Variants in EHBP1 observed in about 807,000 individuals in gnomAD.
The protein encoded by EHBP1 is EH domain binding protein 1.
In EHBP1, 55 loss-of-function variants were observed where a neutral mutation model predicts 144.0. The ratio of observed to expected loss-of-function variants is 0.38; its 90% CI spans 0.31 to 0.48. The LOEUF (loss-of-function observed/expected upper bound fraction) is 0.48, where lower values mean the gene tolerates loss of function less well. Ranked by LOEUF, EHBP1 falls within the 20% of genes least tolerant of loss-of-function variation. EHBP1 has a pLI of 0.98. For missense variants in EHBP1, 1,200 were observed against 1,364.2 expected (o/e 0.88, Z 1.90); for synonymous variants, 469 against 472.7 (o/e 0.99, Z 0.10).
At chr2:62,851,675 T>C (rs2048704486) in intron 7 of EHBP1, among the ~76,000 whole-genome samples, 1 of 152,192 alleles carries the variant, frequency 6.6e-6, no homozygotes. Flanking sequence ...TTTTTGGACA[T>C]TGCTTTTTTA....
intron 2 of EHBP1, among the ~76,000 whole-genome samples, chr2:62,712,641 G>A (rs1202736927): frequency 6.6e-6 from 1 of 152,194 alleles, no homozygotes; most frequent in African/African-American, 2.4e-5. Flanking sequence ...AGTGGTTTTA[G>A]TGATGAACCA....
intron 9 of EHBP1, 69 bp downstream of exon 9, chr2:62,865,040 T>C (rs2049931595): frequency 1.3e-6 from 2 of 1,525,678 alleles, no homozygotes; most frequent in Admixed American, 3.7e-5. Flanking sequence ...CCTTTTGTAA[T>C]GTACCTTTAG....
intron 15 of EHBP1, among the ~76,000 whole-genome samples, chr2:62,986,854 A>C (rs2059214950): frequency 6.6e-6 from 1 of 152,202 alleles, no homozygotes; most frequent in African/African-American, 2.4e-5. Context: ...TTTACTTAGG[A>C]AGCCAAAAAT....
intron 15 of EHBP1, among the ~76,000 whole-genome samples, chr2:62,980,853 G>T (rs556304785): frequency 1.4e-5 from 2 of 145,856 alleles, no homozygotes; most frequent in African/African-American, 5.0e-5. Context: ...TTTTTTTCAC[G>T]TGTCTTTTTT....
intron 1 of EHBP1, among the ~76,000 whole-genome samples, chr2:62,697,022 T>C (rs1259569916): frequency 1.3e-5 from 2 of 152,232 alleles, no homozygotes; most frequent in African/African-American, 4.8e-5. Flanking sequence ...GGTGTGTTTG[T>C]TAAAACTCTG....
intron 10 of EHBP1, among the ~76,000 whole-genome samples, chr2:62,918,814 T>C (rs2054840323): frequency 6.6e-6 from 1 of 152,190 alleles, no homozygotes; most frequent in South Asian, 2.1e-4. Flanking sequence ...TTAAAAGTTT[T>C]TAAGGAGGTA....
chr2:62,936,579 A>T (rs1253179849), intron 10 of EHBP1, among the ~76,000 whole-genome samples: 1 of 152,098 alleles, frequency 6.6e-6, no homozygotes, highest in Non-Finnish European at 1.5e-5. Context: ...ACTCTTCTAG[A>T]CTACCATTAT....
At chr2:62,705,328 G>A (rs1355799485), upstream of EHBP1, among the ~76,000 whole-genome samples, 1 of 152,054 alleles carries the variant, frequency 6.6e-6, no homozygotes, top group Non-Finnish European at 1.5e-5. Flanking sequence ...ATCACCCTTA[G>A]GGGCCAGAAA....
intron 5 of EHBP1, among the ~76,000 whole-genome samples, chr2:62,781,740 G>A (rs1408769181): frequency 1.3e-5 from 2 of 151,822 alleles, no homozygotes; most frequent in South Asian, 2.1e-4. Flanking sequence ...ATTTTTCTAG[G>A]GTTATAATAA....
chr2:62,818,881 A>G (rs989554057), intron 5 of EHBP1, among the ~76,000 whole-genome samples: 12 of 152,252 alleles, frequency 7.9e-5, no homozygotes, highest in Admixed American at 7.2e-4. Flanking sequence ...TGTAATAAAA[A>G]GATATATTAA....
chr2:62,966,408 A>T (rs1334670669), intron 14 of EHBP1, among the ~76,000 whole-genome samples: 2 of 152,160 alleles, frequency 1.3e-5, no homozygotes, highest in African/African-American at 4.8e-5. Context: ...CAACTGAAGC[A>T]TGAGAATTTG....
intron 5 of EHBP1, among the ~76,000 whole-genome samples, chr2:62,786,684 A>G (rs964152352): frequency 2.6e-5 from 4 of 152,210 alleles, no homozygotes; most frequent in African/African-American, 7.2e-5. Context: ...AATTTTTCAC[A>G]TCTTGTTTAA....
rs190882093 is a variant in EHBP1 at position 62,941,303 on chromosome 2, A to C, written c.1186-1415A>C. On this transcript the variant is annotated intron_variant, in intron 10 of 22. Transcript: ENST00000431489. ...TTTTACACTAGATTGCTAGTTAGCTATTATTTTTTCTAAAGTAAATGTAGT... is the reference window on the plus strand; with the variant it reads ...TTTTACACTAGATTGCTAGTTAGCTCTTATTTTTTCTAAAGTAAATGTAGT... Among the ~76,000 whole-genome samples, 3 of 152,200 alleles carry C rather than the reference A, an allele frequency of 2.0e-5. No homozygotes were observed. In the East Asian group the frequency reaches 5.8e-4, roughly 29 times the overall value.
chr2:62,861,087 G>A (rs561404911), intron 8 of EHBP1, among the ~76,000 whole-genome samples: 4 of 149,872 alleles, frequency 2.7e-5, no homozygotes, highest in Admixed American at 2.6e-4. Context: ...TGCTTTTACA[G>A]GTTCAGTTCT....
At chr2:62,695,429 A>G (rs1395129266) in intron 1 of EHBP1, among the ~76,000 whole-genome samples, 1 of 152,234 alleles carries the variant, frequency 6.6e-6, no homozygotes, top group Non-Finnish European at 1.5e-5. Context: ...TACAAAATTC[A>G]GAAGACATTC....
At chr2:62,843,277 T>C (rs550360856) in intron 7 of EHBP1, among the ~76,000 whole-genome samples, 1 of 152,304 alleles carries the variant, frequency 6.6e-6, no homozygotes, top group African/African-American at 2.4e-5. Context: ...TGAAGCTTCA[T>C]TCTCTCTGGC....
chr2:62,909,206 T>A (rs1233735565), intron 10 of EHBP1, among the ~76,000 whole-genome samples: 1 of 151,744 alleles, frequency 6.6e-6, no homozygotes, highest in Admixed American at 6.6e-5. Flanking sequence ...CGAGACAAGG[T>A]CTCACGCTGT....
chr2:62,990,954 T>C, intron 16 of EHBP1, 114 bp downstream of exon 16: 1 of 1,322,614 alleles, frequency 7.6e-7, no homozygotes, highest in Middle Eastern at 2.1e-4. Flanking sequence ...ATATTAAGAT[T>C]AGGGTATAAG....
At chr2:62,721,046 C>CA (rs1212801231) in intron 2 of EHBP1, among the ~76,000 whole-genome samples, 62 of 152,216 alleles carry the variant, frequency 4.1e-4, no homozygotes, top group African/African-American at 1.4e-3. Context: ...TAGATTTTAC[C>CA]AGTTTTCTCA....
Sources: gnomAD v4.1 joint callset for allele counts (sites outside exome capture counted in the v4.1 genomes callset) on GRCh38, gnomAD v4.1.1 for gene constraint, MANE v1.5 for transcripts, NCBI Gene and HGNC (gene_info 2026-07-23, HGNC 2026-07-21) for gene names.